Variants in SYNRG observed in about 807,000 individuals in gnomAD.
SYNRG encodes AP1 gamma subunit binding protein 1.
Under a neutral mutation model 130.9 loss-of-function variants are expected in SYNRG, and 37 were observed. That is an observed-to-expected ratio of 0.28 (90% confidence interval 0.22 to 0.37). SYNRG has a LOEUF of 0.37. Among genes scored for constraint, SYNRG ranks in the 10% least tolerant of loss-of-function variants. The pLI, the probability that SYNRG is intolerant of heterozygous loss-of-function variation, is 1.00. For synonymous variants in SYNRG, 539 were observed against 568.1 expected (o/e 0.95, Z 0.73); for missense variants, 1,338 against 1,588.9 (o/e 0.84, Z 2.68).
intron 1 of SYNRG, among the ~76,000 whole-genome samples, chr17:37,608,990 C>G (rs1598734863): frequency 6.9e-6 from 1 of 144,884 alleles, no homozygotes; most frequent in Non-Finnish European, 1.5e-5. Flanking sequence ...TGCCCCGCCC[C>G]CCCCCACCCC....
intron 1 of SYNRG, among the ~76,000 whole-genome samples, chr17:37,608,986 G>GCC (rs149268463): frequency 3.0e-3 from 322 of 107,056 alleles, no homozygotes; most frequent in Middle Eastern, 0.01. Context: ...GATTTGCCCC[G>GCC]CCCCCCCCCA....
intron 1 of SYNRG, among the ~76,000 whole-genome samples, chr17:37,605,647 A>C (rs374427063): frequency 1.3e-5 from 2 of 152,376 alleles, no homozygotes; most frequent in African/African-American, 4.8e-5. Flanking sequence ...TGTTTAGACA[A>C]CTAATAACAA....
intron 3 of SYNRG, 32 bp downstream of exon 3, chr17:37,596,191 C>G (rs1052670035): frequency 6.2e-7 from 1 of 1,609,414 alleles, no homozygotes. Context: ...CAAACAATAA[C>G]TTTGTAAGAA....
chr17:37,523,387 T>C (rs960087418), intron 19 of SYNRG, among the ~76,000 whole-genome samples: 1 of 152,206 alleles, frequency 6.6e-6, no homozygotes, highest in African/African-American at 2.4e-5. Flanking sequence ...CTAGAACTTC[T>C]GGCCTCAAGC....
intron 19 of SYNRG, among the ~76,000 whole-genome samples, chr17:37,525,701 C>T (rs755069007): frequency 5.9e-5 from 9 of 152,232 alleles, no homozygotes; most frequent in Admixed American, 1.3e-4. Flanking sequence ...GGAGCGGTGG[C>T]TCACACCTGT....
intron 19 of SYNRG, among the ~76,000 whole-genome samples, chr17:37,525,055 T>C (rs2055658702): frequency 6.6e-6 from 1 of 152,196 alleles, no homozygotes; most frequent in African/African-American, 2.4e-5. Flanking sequence ...TAAATGACCC[T>C]GTGATCAAAT....
intron 1 of SYNRG, among the ~76,000 whole-genome samples, chr17:37,601,666 T>G (rs1174143283): frequency 6.6e-6 from 1 of 152,034 alleles, no homozygotes; most frequent in Non-Finnish European, 1.5e-5. Context: ...ACAACTTTAT[T>G]TTTATTTTAT....
chr17:37,554,007 A>T lies in SYNRG; in HGVS notation c.1716T>A (p.Asp572Glu). 6.2e-7 allele frequency: 1 copy of T among 1,607,522 alleles called. No individual in the cohort carries two copies. Among genetic ancestry groups the T allele is most frequent in the Non-Finnish European group, 8.5e-7 (1 of 1,178,628 alleles). ...RSAGTDDGFT[D>E]FKTADSVSPL... ...GTGATACACTATCGGCTGTTTTAAA[A>T]TCGGTGAAACCATCATCAGTTCCTG... The change falls in exon 14 of 22, where the codon GAT becomes GAA. Residue 572 changes from aspartate to glutamate, a missense_variant. Transcript: ENST00000612223.
intron 15 of SYNRG, chr17:37,541,402 A>G: frequency 3.6e-6 from 1 of 281,498 alleles, no homozygotes; most frequent in Admixed American, 6.4e-5. Context: ...ACCTACAGGG[A>G]GTGGTGCTCT....
At chr17:37,585,571 C>A (rs572412623) in intron 4 of SYNRG, 141 bp from the exon 5 acceptor site, 4 of 599,156 alleles carry the variant, frequency 6.7e-6, no homozygotes, top group East Asian at 2.9e-5. Flanking sequence ...AGTTTTCTTA[C>A]GACAATCCTG....
chr17:37,534,048 C>A (rs187185002), intron 19 of SYNRG, among the ~76,000 whole-genome samples: 2 of 147,690 alleles, frequency 1.4e-5, no homozygotes, highest in African/African-American at 5.0e-5. Context: ...AATTCTCCTG[C>A]CTCAGCCTCC....
At chr17:37,547,563 A>G (rs534961739) in intron 14 of SYNRG, among the ~76,000 whole-genome samples, 4 of 151,936 alleles carry the variant, frequency 2.6e-5, no homozygotes, top group Non-Finnish European at 5.9e-5. Flanking sequence ...CACAGGTTCA[A>G]GCAATTCTCG....
chr17:37,569,879 T>C (rs1407675980), intron 10 of SYNRG, among the ~76,000 whole-genome samples: 2 of 152,146 alleles, frequency 1.3e-5, no homozygotes, highest in Non-Finnish European at 2.9e-5. Flanking sequence ...TATTGCTCTA[T>C]ACTTTAACTA....
intron 14 of SYNRG, among the ~76,000 whole-genome samples, chr17:37,547,604 A>G (rs1280764291): frequency 6.6e-6 from 1 of 152,106 alleles, no homozygotes; most frequent in Non-Finnish European, 1.5e-5. Context: ...CTGGGATTAC[A>G]GGCACGAGCC....
rs891917370 is a variant in SYNRG at position 37,577,774 on chromosome 17, C to T, written c.590-161G>A. 2.7e-5 allele frequency among the ~76,000 whole-genome samples: 4 copies of T among 145,500 alleles called. No homozygotes were observed. In the Admixed American group the frequency reaches 2.8e-4, roughly 10 times the overall value. ...AGTGTACTGGCATGATCTCAGCTCA[C>T]TGCAACCTCTGCCTCCCAGGTTCAA... On this transcript the variant is annotated intron_variant, in intron 6 of 21. Transcript: ENST00000612223.
chr17:37,575,469 TGTTTAAAGAAGAAAA>T (rs1287813258), intron 8 of SYNRG, among the ~76,000 whole-genome samples: 1 of 152,094 alleles, frequency 6.6e-6, no homozygotes, highest in Admixed American at 6.6e-5. Context: ...AATTTTTTTT[TGTTTAAAGAAGAAAA>T]TGCACTTTAA....
At position 37,520,635 on chromosome 17, in the gene SYNRG, G is replaced by A. The variant is rs775517238; in HGVS notation, c.3680C>T (p.Ser1227Leu). ...TAACATACAGGAGGAAAAATCCAGCGAGTTTTCATCTGGCTGTGAGGACGA... is the reference window on the plus strand; with the variant it reads ...TAACATACAGGAGGAAAAATCCAGCAAGTTTTCATCTGGCTGTGAGGACGA... The part of the protein sequence containing the change: ...SLATLTPDEN[S>L]LDFSSCMLRP... The change falls in exon 20 of 22, where the codon TCG becomes TTG. Residue 1227 changes from serine (S) to leucine (L), a missense_variant. Ser to Leu is a moderately radical substitution (Grantham distance 145). This residue lies in a region of SYNRG where 1,146 missense variants were observed against 1,342.3 expected (regional missense o/e 0.85). Transcript: ENST00000612223. 24 of 1,614,172 alleles carry A rather than the reference G, an allele frequency of 1.5e-5. No individual in the cohort carries two copies. Among genetic ancestry groups the A allele is most frequent in the Admixed American group, 5.0e-5 (3 of 60,024 alleles).
At chr17:37,531,290 A>G (rs2056608308) in intron 19 of SYNRG, among the ~76,000 whole-genome samples, 1 of 152,172 alleles carries the variant, frequency 6.6e-6, no homozygotes, top group African/African-American at 2.4e-5. Context: ...TTCATAATCT[A>G]TCACTACAAC....
chr17:37,586,380 A>G, intron 4 of SYNRG, 39 bp downstream of exon 4: 1 of 1,611,276 alleles, frequency 6.2e-7, no homozygotes. Flanking sequence ...AGATGCTATA[A>G]TGTATCTTTG....
Sources: gnomAD v4.1 joint callset for allele counts (sites outside exome capture counted in the v4.1 genomes callset) on GRCh38, gnomAD v4.1.1 for gene constraint, gnomAD v4.1.1 regional missense constraint, MANE v1.5 for transcripts, NCBI Gene and HGNC (gene_info 2026-07-23, HGNC 2026-07-21) for gene names.